Variants in WWC2 observed in about 807,000 individuals in gnomAD.
The protein encoded by WWC2 is protein WWC2.
WWC2 carries 101 observed loss-of-function variants against 138.5 expected under a neutral mutation model. The ratio of observed to expected loss-of-function variants is 0.73; its 90% CI spans 0.62 to 0.86. The LOEUF is 0.86. Among genes scored for constraint, WWC2 ranks in the 40% least tolerant of loss-of-function variants. WWC2 has a pLI of 0.00. For synonymous variants in WWC2, 558 were observed against 538.4 expected, an observed-to-expected ratio of 1.04 and a Z score of -0.50; for missense variants, 1,420 against 1,419.4, an observed-to-expected ratio of 1.00 and a Z score of -0.01.
chr4:183,281,110 C>T, intron 17 of WWC2: 1 of 556,158 alleles, frequency 1.8e-6, no homozygotes, highest in Non-Finnish European at 2.8e-6. Context: ...TAGCCAGATT[C>T]TTTGTTCTTG....
At chr4:183,119,888 A>T (rs1296734823) in intron 1 of WWC2, among the ~76,000 whole-genome samples, 3 of 152,058 alleles carry the variant, frequency 2.0e-5, no homozygotes, top group Non-Finnish European at 4.4e-5. Context: ...TCAGCCTTTA[A>T]CCCCTGAGTT....
chr4:183,148,435 A>C (rs1733536310), intron 1 of WWC2, among the ~76,000 whole-genome samples: 1 of 152,136 alleles, frequency 6.6e-6, no homozygotes, highest in Non-Finnish European at 1.5e-5. Context: ...TTTTAATATA[A>C]TGTAAAGAAC....
chr4:183,195,934 G>A (rs950086655), intron 2 of WWC2, among the ~76,000 whole-genome samples: 1 of 152,200 alleles, frequency 6.6e-6, no homozygotes, highest in Non-Finnish European at 1.5e-5. Flanking sequence ...GGTAGGGCCT[G>A]ATGGGAGGTG....
At chr4:183,125,510 G>T (rs534768054) in intron 1 of WWC2, among the ~76,000 whole-genome samples, 33 of 152,194 alleles carry the variant, frequency 2.2e-4, no homozygotes, top group Non-Finnish European at 4.3e-4. Flanking sequence ...AGCCAGTTGT[G>T]TACGTGTTCC....
chr4:183,172,572 T>G (rs563181641), intron 1 of WWC2, among the ~76,000 whole-genome samples: 65 of 151,462 alleles, frequency 4.3e-4, no homozygotes, highest in East Asian at 1.7e-3. Flanking sequence ...TTTTTTTTTT[T>G]TTGTTATTGT....
intron 1 of WWC2, among the ~76,000 whole-genome samples, chr4:183,140,229 T>C (rs1397797682): frequency 5.3e-5 from 8 of 152,230 alleles, no homozygotes; most frequent in Non-Finnish European, 1.5e-5. Context: ...TTCAGGAATG[T>C]ACAGTGGGGA....
intron 1 of WWC2, among the ~76,000 whole-genome samples, chr4:183,148,637 T>C (rs1186108780): frequency 1.3e-5 from 2 of 152,216 alleles, no homozygotes; most frequent in Non-Finnish European, 2.9e-5. Context: ...CTTCGCTTCT[T>C]TCTAGATATC....
intron 5 of WWC2, among the ~76,000 whole-genome samples, chr4:183,242,905 T>A (rs1163641501): frequency 6.6e-6 from 1 of 151,624 alleles, no homozygotes; most frequent in Non-Finnish European, 1.5e-5. Flanking sequence ...AGGTGGGAAA[T>A]GAAAAGTGGA....
At chr4:183,276,587 C>T (rs1490574711) in intron 16 of WWC2, among the ~76,000 whole-genome samples, 1 of 152,070 alleles carries the variant, frequency 6.6e-6, no homozygotes, top group Non-Finnish European at 1.5e-5. Flanking sequence ...CCCTTTCCTC[C>T]TTCTCTGCTA....
intron 20 of WWC2, 129 bp from the exon 21 acceptor site, chr4:183,289,264 C>G: frequency 7.2e-7 from 1 of 1,387,638 alleles, no homozygotes; most frequent in Non-Finnish European, 9.6e-7. Flanking sequence ...GCGAGTTGCT[C>G]CTGCCCCTTA....
chr4:183,122,083 C>A (rs751740214), intron 1 of WWC2, among the ~76,000 whole-genome samples: 2 of 152,154 alleles, frequency 1.3e-5, no homozygotes, highest in Non-Finnish European at 2.9e-5. Flanking sequence ...CCACGCCCAG[C>A]CAAGAAGCAT....
intron 1 of WWC2, among the ~76,000 whole-genome samples, chr4:183,139,805 TTTTG>T (rs1304326901): frequency 2.7e-5 from 4 of 146,784 alleles, no homozygotes; most frequent in Non-Finnish European, 5.9e-5. Context: ...GGGAATTGGT[TTTTG>T]TTTTTGTTTT....
chr4:183,191,885 G>A (rs1735001876), intron 1 of WWC2, among the ~76,000 whole-genome samples: 1 of 151,776 alleles, frequency 6.6e-6, no homozygotes, highest in East Asian at 1.9e-4. Context: ...GAGCCACAAT[G>A]CCTGGCTAAT....
chr4:183,188,787 G>A (rs1309336396), intron 1 of WWC2, among the ~76,000 whole-genome samples: 1 of 151,802 alleles, frequency 6.6e-6, no homozygotes, highest in African/African-American at 2.4e-5. Flanking sequence ...TGGGATTATA[G>A]GCATGTGCCA....
intron 4 of WWC2, among the ~76,000 whole-genome samples, chr4:183,224,272 T>G (rs968385218): frequency 2.6e-5 from 4 of 152,186 alleles, no homozygotes; most frequent in Non-Finnish European, 2.9e-5. Flanking sequence ...CATCATGAAG[T>G]GCATGTCTCT....
At chr4:183,113,720 T>C (rs754885167) in intron 1 of WWC2, among the ~76,000 whole-genome samples, 6 of 151,622 alleles carry the variant, frequency 4.0e-5, no homozygotes, top group Non-Finnish European at 7.4e-5. Context: ...TTTTTAAAGA[T>C]CTTATTTTAA....
At chr4:183,263,819 G>C (rs1262596643) in intron 11 of WWC2, among the ~76,000 whole-genome samples, 3 of 152,152 alleles carry the variant, frequency 2.0e-5, no homozygotes, top group African/African-American at 7.2e-5. Flanking sequence ...GGGGACGTCT[G>C]CCCTGCATGT....
At position 183,249,967 on chromosome 4, in the gene WWC2, C is replaced by T. The variant is rs754172620; in HGVS notation, c.927C>T (p.Ser309=). Reference sequence around the variant, plus strand: ...ATTTAGCTGAAAAGGTCAGGCTAAGCCTACAGTATGAAGAAGCCAAAAGAA... The same window carrying T: ...ATTTAGCTGAAAAGGTCAGGCTAAGTCTACAGTATGAAGAAGCCAAAAGAA... ...RSNLAEKVRL[S]LQYEEAKRSM... The change falls in exon 8 of 23, where the codon AGC becomes AGT. Residue 309 remains serine (S), a synonymous_variant. Transcript: ENST00000403733. 3.1e-6 allele frequency: 5 copies of T among 1,613,544 alleles called. No individual in the cohort carries two copies. In the African/African-American group the frequency reaches 6.7e-5, roughly 22 times the overall value.
chr4:183,184,287 A>T (rs902489544), intron 1 of WWC2, among the ~76,000 whole-genome samples: 9 of 152,208 alleles, frequency 5.9e-5, no homozygotes, highest in African/African-American at 2.2e-4. Flanking sequence ...AGGTTCATCC[A>T]TATTGTAGCA....
Sources: gnomAD v4.1 joint callset for allele counts (sites outside exome capture counted in the v4.1 genomes callset) on GRCh38, gnomAD v4.1.1 for gene constraint, MANE v1.5 for transcripts, NCBI Gene and HGNC (gene_info 2026-07-23, HGNC 2026-07-21) for gene names.